The following NKAIN2 variants were observed in gnomAD, a reference collection of about 807,000 sequenced individuals.
NKAIN2 encodes sodium/potassium transporting ATPase interacting 2.
A neutral mutation model predicts 32.6 loss-of-function variants in NKAIN2; 14 were observed. The observed-to-expected ratio is 0.43, with a 90% CI of 0.28 to 0.67. NKAIN2 has a LOEUF of 0.67. Ranked by LOEUF, NKAIN2 falls within the 30% of genes least tolerant of loss-of-function variation. NKAIN2 has a pLI of 0.17. For missense variants in NKAIN2, 198 were observed against 258.3 expected, an observed-to-expected ratio of 0.77 and a Z score of 1.60; for synonymous variants, 80 against 87.2, an observed-to-expected ratio of 0.92 and a Z score of 0.46.
intron 1 of NKAIN2, among the ~76,000 whole-genome samples, chr6:124,067,018 A>G (rs6902462): frequency 0.18 from 26,766 of 151,958 alleles, 2,805 homozygotes; most frequent in African/African-American, 0.28. Context: ...TTTGGCTGAC[A>G]TGTGAAATGT....
intron 1 of NKAIN2, among the ~76,000 whole-genome samples, chr6:123,886,170 C>T (rs187341552): frequency 5.5e-4 from 84 of 152,146 alleles, no homozygotes; most frequent in African/African-American, 2.0e-3. Flanking sequence ...TAAATGTACA[C>T]ACAACCTTTC....
intron 1 of NKAIN2, among the ~76,000 whole-genome samples, chr6:124,043,255 G>T (rs115760746): frequency 6.6e-6 from 1 of 151,984 alleles, no homozygotes; most frequent in African/African-American, 2.4e-5. Context: ...CTACTCAGGA[G>T]TCTAGGAGGC....
At chr6:124,599,789 C>T (rs1782238547) in intron 3 of NKAIN2, among the ~76,000 whole-genome samples, 1 of 152,138 alleles carries the variant, frequency 6.6e-6, no homozygotes, top group African/African-American at 2.4e-5. Flanking sequence ...ACATCTACCT[C>T]TCTTGTTCTT....
chr6:124,376,681 G>A (rs911109865), intron 3 of NKAIN2, among the ~76,000 whole-genome samples: 18 of 152,034 alleles, frequency 1.2e-4, no homozygotes, highest in African/African-American at 4.3e-4. Flanking sequence ...CTCACATCCA[G>A]CCTCAATCTT....
chr6:124,412,354 T>C (rs1371261729), intron 3 of NKAIN2, among the ~76,000 whole-genome samples: 1 of 152,158 alleles, frequency 6.6e-6, no homozygotes, highest in Non-Finnish European at 1.5e-5. Context: ...ATGGGTTTGG[T>C]GTGGATGTCC....
intron 1 of NKAIN2, among the ~76,000 whole-genome samples, chr6:124,213,089 G>T (rs1037488012): frequency 6.6e-6 from 1 of 152,044 alleles, no homozygotes; most frequent in South Asian, 2.1e-4. Context: ...TTCAAATCCA[G>T]ATTTTACGTG....
At chr6:123,875,587 G>C (rs1419695360) in intron 1 of NKAIN2, among the ~76,000 whole-genome samples, 2 of 151,656 alleles carry the variant, frequency 1.3e-5, no homozygotes, top group Non-Finnish European at 2.9e-5. Context: ...TTTTCTAATC[G>C]GACTTTTCTT....
chr6:124,815,280 A>G (rs1369624312), intron 5 of NKAIN2, among the ~76,000 whole-genome samples: 1 of 145,636 alleles, frequency 6.9e-6, no homozygotes, highest in African/African-American at 2.6e-5. Flanking sequence ...ATATGTATAT[A>G]TGTATATATT....
intron 3 of NKAIN2, among the ~76,000 whole-genome samples, chr6:124,643,018 T>C (rs1173725974): frequency 2.0e-5 from 3 of 152,154 alleles, no homozygotes; most frequent in Non-Finnish European, 2.9e-5. Context: ...GCATCTGTGT[T>C]ACCAACTTCC....
intron 3 of NKAIN2, among the ~76,000 whole-genome samples, chr6:124,501,468 T>C (rs1043815424): frequency 6.6e-6 from 1 of 152,102 alleles, no homozygotes; most frequent in African/African-American, 2.4e-5. Context: ...AACAAAAACA[T>C]TTCGCGGTGT....
At chr6:124,716,780 T>G (rs1382491821) in intron 4 of NKAIN2, among the ~76,000 whole-genome samples, 1 of 151,904 alleles carries the variant, frequency 6.6e-6, no homozygotes, top group Non-Finnish European at 1.5e-5. Flanking sequence ...TTATGTCATC[T>G]AACATACTAT....
At chr6:124,805,182 GCCT>G (rs1780475823) in intron 5 of NKAIN2, among the ~76,000 whole-genome samples, 1 of 152,228 alleles carries the variant, frequency 6.6e-6, no homozygotes, top group African/African-American at 2.4e-5. Context: ...TGGGCAGAAT[GCCT>G]CCTCAAGTGG....
chr6:124,588,871 T>C (rs1395722594), intron 3 of NKAIN2, among the ~76,000 whole-genome samples: 1 of 152,170 alleles, frequency 6.6e-6, no homozygotes, highest in East Asian at 1.9e-4. Context: ...GAAAATATTT[T>C]CTATCTTATC....
intron 1 of NKAIN2, among the ~76,000 whole-genome samples, chr6:123,997,525 A>C (rs1779671704): frequency 6.6e-6 from 1 of 152,076 alleles, no homozygotes; most frequent in Non-Finnish European, 1.5e-5. Flanking sequence ...GGAACAAGAA[A>C]GGACGTGGCA....
chr6:123,942,253 G>C (rs916097147), intron 1 of NKAIN2, among the ~76,000 whole-genome samples: 1 of 151,900 alleles, frequency 6.6e-6, no homozygotes, highest in Non-Finnish European at 1.5e-5. Flanking sequence ...TAAGTCAGCA[G>C]AATAGGAATA....
intron 1 of NKAIN2, among the ~76,000 whole-genome samples, chr6:123,948,218 T>A (rs2089283971): frequency 6.6e-6 from 1 of 152,118 alleles, no homozygotes; most frequent in Non-Finnish European, 1.5e-5. Flanking sequence ...TGAACAGTGC[T>A]GCAATAAACA....
chr6:124,086,866 C>G (rs1784211183), intron 1 of NKAIN2, among the ~76,000 whole-genome samples: 1 of 151,840 alleles, frequency 6.6e-6, no homozygotes, highest in Non-Finnish European at 1.5e-5. Flanking sequence ...ATTACACTAA[C>G]TCTCTATGAT....
intron 3 of NKAIN2, among the ~76,000 whole-genome samples, chr6:124,388,178 T>C (rs936274633): frequency 8.1e-5 from 12 of 148,170 alleles, no homozygotes; most frequent in African/African-American, 3.1e-4. Context: ...GAATTATTAA[T>C]TTTACAAAAA....
At chr6:124,183,042 T>C (rs1238852093) in intron 1 of NKAIN2, among the ~76,000 whole-genome samples, 1 of 152,162 alleles carries the variant, frequency 6.6e-6, no homozygotes, top group Non-Finnish European at 1.5e-5. Context: ...ATTTTAGTGC[T>C]AGGCTACTTA....
Sources: gnomAD v4.1 joint callset for allele counts (sites outside exome capture counted in the v4.1 genomes callset) on GRCh38, gnomAD v4.1.1 for gene constraint, MANE v1.5 for transcripts, NCBI Gene and HGNC (gene_info 2026-07-23, HGNC 2026-07-21) for gene names.